The following VAMP4 variants were observed in gnomAD, a reference collection of about 807,000 sequenced individuals.
VAMP4 encodes the protein vesicle-associated membrane protein 4.
Under a neutral mutation model 23.5 loss-of-function variants are expected in VAMP4, and 19 were observed. The observed-to-expected ratio is 0.81, with a 90% CI of 0.56 to 1.19. VAMP4 has a LOEUF of 1.19. Ranked by LOEUF, VAMP4 falls within the 50% of genes most tolerant of loss-of-function variation. VAMP4 has a pLI of 0.00. For synonymous variants in VAMP4, 31 were observed against 51.0 expected (o/e 0.61, Z 1.67); for missense variants, 145 against 168.6 (o/e 0.86, Z 0.78).
intron 6 of VAMP4, among the ~76,000 whole-genome samples, chr1:171,708,254 C>G (rs1329278842): frequency 6.8e-6 from 1 of 147,224 alleles, no homozygotes; most frequent in Non-Finnish European, 1.5e-5. Context: ...GCATGAGAAT[C>G]ACTTGAACCT....
chr1:171,707,865 A>T (rs1343760324), intron 6 of VAMP4, among the ~76,000 whole-genome samples: 2 of 152,198 alleles, frequency 1.3e-5, no homozygotes, highest in Non-Finnish European at 2.9e-5. Flanking sequence ...TTAAAAAAAA[A>T]GCTAGGCAAA....
At chr1:171,725,426 C>A (rs6678890) in intron 3 of VAMP4, among the ~76,000 whole-genome samples, 26,195 of 151,942 alleles carry the variant, frequency 0.17, 2,353 homozygotes, top group Middle Eastern at 0.25. Context: ...CATAATGAGA[C>A]CCTGTCTCAG....
chr1:171,707,130 T>C (rs1461696555), intron 6 of VAMP4, among the ~76,000 whole-genome samples: 1 of 152,164 alleles, frequency 6.6e-6, no homozygotes, highest in African/African-American at 2.4e-5. Context: ...CAAAGCTCTC[T>C]TATTCCAAAT....
At chr1:171,706,587 C>T (rs1384221268) in intron 6 of VAMP4, among the ~76,000 whole-genome samples, 169 bp from the exon 7 acceptor site, 1 of 152,004 alleles carries the variant, frequency 6.6e-6, no homozygotes, top group African/African-American at 2.4e-5. Context: ...TTACATGAGG[C>T]TATTCATAAA....
intron 2 of VAMP4, among the ~76,000 whole-genome samples, chr1:171,737,383 T>A (rs1343613966): frequency 1.3e-5 from 2 of 152,232 alleles, no homozygotes; most frequent in South Asian, 2.1e-4. Context: ...GCCTACAACA[T>A]TCATATAAAA....
Position 171,707,780 on chromosome 1 carries a change from T to A in VAMP4, c.346-1362A>T, listed in dbSNP as rs577200687. 6.6e-5 allele frequency among the ~76,000 whole-genome samples: 10 copies of A among 152,200 alleles called. No homozygotes were observed. In the South Asian group the frequency reaches 2.1e-3, roughly 32 times the overall value. ...GACTATTTAAAAATATGACTCAATG[T>A]TTTTCCTCCTTAAAAGCACGCTATT... On this transcript the variant is annotated intron_variant, in intron 6 of 7. Transcript: ENST00000236192.
chr1:171,733,633 A>G (rs1317317669), intron 2 of VAMP4, among the ~76,000 whole-genome samples: 1 of 152,212 alleles, frequency 6.6e-6, no homozygotes, highest in Non-Finnish European at 1.5e-5. Context: ...AAAGAATAAT[A>G]GGACACAATG....
At chr1:171,724,715 T>C (rs1655310887) in intron 3 of VAMP4, among the ~76,000 whole-genome samples, 1 of 152,150 alleles carries the variant, frequency 6.6e-6, no homozygotes, top group Admixed American at 6.5e-5. Flanking sequence ...ACTGACAAGA[T>C]GATTCTAAAA....
intron 5 of VAMP4, 142 bp from the exon 6 acceptor site, chr1:171,709,886 T>C: frequency 1.6e-6 from 1 of 627,214 alleles, no homozygotes; most frequent in South Asian, 2.1e-5. Context: ...TCTCCCTTTT[T>C]TCCACCCACA....
At chr1:171,721,330 A>C (rs1169058137) in intron 3 of VAMP4, among the ~76,000 whole-genome samples, 1 of 152,142 alleles carries the variant, frequency 6.6e-6, no homozygotes, top group Non-Finnish European at 1.5e-5. Context: ...ATAAAAAATA[A>C]AAGGCAAACA....
In VAMP4 at chr1:171,704,209, G is replaced by T. The variant is rs143514018; in HGVS notation, c.*297C>A. On this transcript the variant is annotated 3_prime_UTR_variant, in exon 8 of 8. Transcript: ENST00000236192. Reference sequence around the variant, plus strand: ...ATATTAATATGAAATATTATAATCAGTGTTTATATACACAAATAATGAACT... The same window carrying T: ...ATATTAATATGAAATATTATAATCATTGTTTATATACACAAATAATGAACT... 9.4e-6 allele frequency: 2 copies of T among 212,536 alleles called. No homozygotes were observed. Among genetic ancestry groups the T allele is most frequent in the African/African-American group, 4.6e-5 (2 of 43,816 alleles). 13.2% of individuals were successfully genotyped at this position (212,536 alleles called of 1,614,324 possible).
intron 3 of VAMP4, among the ~76,000 whole-genome samples, chr1:171,723,281 A>C (rs1228038490): frequency 6.6e-6 from 1 of 152,186 alleles, no homozygotes; most frequent in African/African-American, 2.4e-5. Context: ...GTCATTGATA[A>C]CATCTTATCA....
Position 171,712,087 on chromosome 1 carries a change from C to A in VAMP4, c.165-1273G>T, listed in dbSNP as rs369183241. On this transcript the variant is annotated intron_variant, in intron 4 of 7. Transcript: ENST00000236192. ...TAAGTATACTACTCTATGATGTTCA[C>A]ACAATGAAACTGCTTAATGATGCAT... Among the ~76,000 whole-genome samples the A allele has an allele frequency of 4.1e-4, 63 of 152,212 alleles. 1 individual carries two copies. The highest frequency in any genetic ancestry group is 1.4e-3 in the African/African-American group (58 of 41,544).
intron 3 of VAMP4, among the ~76,000 whole-genome samples, chr1:171,726,845 A>AAGAT (rs60405053): frequency 0.059 from 8,924 of 152,254 alleles, 343 homozygotes; most frequent in East Asian, 0.24. Context: ...TAATCTTCAA[A>AAGAT]AGATATTATT....
chr1:171,709,735 G>A lies in VAMP4; in HGVS notation c.275C>T (p.Ser92Leu), dbSNP rs1333063136. 13 of 1,612,378 alleles carry A rather than the reference G, an allele frequency of 8.1e-6. No homozygotes were observed. The highest frequency in any genetic ancestry group is 4.0e-5 in the African/African-American group (3 of 74,824). ...DELQDKSESLSDNATAFSNRS... is the reference protein window; with the variant it reads ...DELQDKSESLLDNATAFSNRS... ...GTTGCTAAAAGCTGTTGCATTATCC[G>A]ATAAGCTTTCTATATCACATAGAGG... The change falls in exon 6 of 8, where the codon TCG (serine) becomes TTG (leucine). Residue 92 changes from serine to leucine, a missense_variant. Ser to Leu is a moderately radical substitution (Grantham distance 145, BLOSUM62 -2). Transcript: ENST00000236192.
chr1:171,730,079 T>G (rs1655514944), intron 2 of VAMP4, among the ~76,000 whole-genome samples: 1 of 152,152 alleles, frequency 6.6e-6, no homozygotes, highest in Non-Finnish European at 1.5e-5. Context: ...GAAAACAGTT[T>G]CTTCCCTAAA....
chr1:171,724,205 G>A (rs911089753), intron 3 of VAMP4, among the ~76,000 whole-genome samples: 1 of 151,834 alleles, frequency 6.6e-6, no homozygotes, highest in Non-Finnish European at 1.5e-5. Context: ...CCATCATTCT[G>A]AGCAAACTAT....
intron 2 of VAMP4, among the ~76,000 whole-genome samples, chr1:171,733,343 G>C (rs1464092688): frequency 6.7e-6 from 1 of 148,534 alleles, no homozygotes; most frequent in Non-Finnish European, 1.5e-5. Flanking sequence ...GTGTATGCCT[G>C]TAATACCAGC....
chr1:171,730,060 G>A (rs951185994), intron 2 of VAMP4, among the ~76,000 whole-genome samples: 1 of 152,130 alleles, frequency 6.6e-6, no homozygotes, highest in Non-Finnish European at 1.5e-5. Flanking sequence ...TAGGAGCTAG[G>A]AAAAGCAAGA....
Sources: gnomAD v4.1 joint callset for allele counts (sites outside exome capture counted in the v4.1 genomes callset) on GRCh38, gnomAD v4.1.1 for gene constraint, MANE v1.5 for transcripts, NCBI Gene and HGNC (gene_info 2026-07-23, HGNC 2026-07-21) for gene names.